Variants in AFF2 observed in about 807,000 individuals in gnomAD.
AFF2 encodes ALF transcription elongation factor 2, also known as AF4/FMR2 family member 2.
Under a neutral mutation model 76.9 loss-of-function variants are expected in AFF2, and 14 were observed. The observed-to-expected ratio is 0.18, with a 90% confidence interval of 0.12 to 0.28. The LOEUF (loss-of-function observed/expected upper bound fraction) is 0.28, where lower values mean the gene tolerates loss of function less well. AFF2 is among the 10% of genes least tolerant of loss of function. The pLI is 1.00. For synonymous variants in AFF2, 398 were observed against 366.7 expected (o/e 1.09, Z -0.98); for missense variants, 868 against 1,001.1 (o/e 0.87, Z 1.79).
intron 7 of AFF2, among the ~76,000 whole-genome samples, chrX:148,862,008 C>T (rs781883117): frequency 9.1e-5 from 10 of 109,803 alleles, no homozygotes; most frequent in Admixed American, 1.9e-4. Context: ...AAGTTGTCTC[C>T]GGGGTGGCTG....
intron 3 of AFF2, among the ~76,000 whole-genome samples, chrX:148,792,299 A>ATAT (rs2069906734): frequency 8.9e-6 from 1 of 112,292 alleles, no homozygotes; most frequent in South Asian, 3.7e-4. Flanking sequence ...ATTTATATAC[A>ATAT]AAAATTAGCC....
chrX:148,588,632 G>A (rs1164582441), intron 1 of AFF2, among the ~76,000 whole-genome samples: 1 of 112,433 alleles, frequency 8.9e-6, no homozygotes, highest in Non-Finnish European at 1.9e-5. Flanking sequence ...CTTCTACTGT[G>A]AAAGTTGTGC....
At chrX:148,554,848 G>T (rs1344772708) in intron 1 of AFF2, among the ~76,000 whole-genome samples, 7 of 112,398 alleles carry the variant, frequency 6.2e-5, no homozygotes, top group African/African-American at 2.3e-4. Flanking sequence ...GTGTTGAATG[G>T]CTGGATGGGA....
intron 2 of AFF2, among the ~76,000 whole-genome samples, chrX:148,653,852 G>A (rs1237953121): frequency 9.0e-6 from 1 of 111,680 alleles, no homozygotes; most frequent in Admixed American, 9.5e-5. Context: ...GAACATGGTT[G>A]CTGCTTGTAG....
intron 1 of AFF2, among the ~76,000 whole-genome samples, chrX:148,590,233 G>GA (rs1469696328): frequency 9.2e-6 from 1 of 109,103 alleles, no homozygotes; most frequent in Non-Finnish European, 1.9e-5. Flanking sequence ...TTGGCTGTTA[G>GA]AAAAAACAAA....
At chrX:148,617,692 C>A (rs2053826298) in intron 1 of AFF2, among the ~76,000 whole-genome samples, 1 of 112,493 alleles carries the variant, frequency 8.9e-6, no homozygotes. Flanking sequence ...ATGCAATTCA[C>A]ACTCGCCTTA....
At chrX:148,534,187 G>A (rs782772320) in intron 1 of AFF2, among the ~76,000 whole-genome samples, 5 of 111,986 alleles carry the variant, frequency 4.5e-5, no homozygotes, top group Admixed American at 3.8e-4. Context: ...AGGGATGTGA[G>A]TGAAAGCCTT....
intron 3 of AFF2, among the ~76,000 whole-genome samples, chrX:148,807,139 G>A (rs2070146854): frequency 8.9e-6 from 1 of 112,089 alleles, no homozygotes; most frequent in African/African-American, 3.2e-5. Flanking sequence ...TATTAGATGT[G>A]CTGCAAAGCT....
At chrX:148,633,921 C>A (rs1160259651) in intron 1 of AFF2, among the ~76,000 whole-genome samples, 3 of 111,942 alleles carry the variant, frequency 2.7e-5, no homozygotes, top group African/African-American at 9.7e-5. Flanking sequence ...GAACTAAGAT[C>A]AAGGGTCAGA....
intron 4 of AFF2, among the ~76,000 whole-genome samples, chrX:148,821,261 T>C (rs1557272525): frequency 9.0e-6 from 1 of 111,357 alleles, no homozygotes; most frequent in African/African-American, 3.3e-5. Context: ...ATATGAAACC[T>C]CTGGAATAGT....
At chrX:148,793,285 G>A (rs1051403567) in intron 3 of AFF2, among the ~76,000 whole-genome samples, 1 of 111,103 alleles carries the variant, frequency 9.0e-6, no homozygotes, top group African/African-American at 3.3e-5. Context: ...ACACTGCTGG[G>A]TAACTGGAGA....
intron 1 of AFF2, among the ~76,000 whole-genome samples, chrX:148,619,157 C>T (rs2053842895): frequency 9.0e-6 from 1 of 111,676 alleles, no homozygotes; most frequent in South Asian, 3.7e-4. Context: ...CACATGTAGC[C>T]TTGCATACAA....
chrX:148,904,280 T>C (rs782334073), intron 9 of AFF2, 22 bp downstream of exon 9: 1 of 990,257 alleles, frequency 1.0e-6, no homozygotes, highest in Non-Finnish European at 1.4e-6. Context: ...TTTTTATTAG[T>C]TGCAAATGTT....
chrX:148,980,653 C>A, intron 18 of AFF2, 85 bp from the exon 19 acceptor site: 1 of 789,322 alleles, frequency 1.3e-6, no homozygotes, highest in Non-Finnish European at 1.9e-6. Context: ...TTAATGTACT[C>A]TAAATCACAC....
In AFF2 at chrX:148,853,148, C is replaced by T. The variant is rs189291911; in HGVS notation, c.1262+9715C>T. 2.0e-4 allele frequency among the ~76,000 whole-genome samples: 22 copies of T among 111,524 alleles called. No homozygotes were observed. In the East Asian group the frequency reaches 2.5e-3, roughly 13 times the overall value. On this transcript the variant is annotated intron_variant, in intron 7 of 20. Transcript: ENST00000370460. ...CTGAAATCTTATTAATTGTTAAATACGAAGGAAAAATAACAAAATAATCTT... is the reference window on the plus strand; with the variant it reads ...CTGAAATCTTATTAATTGTTAAATATGAAGGAAAAATAACAAAATAATCTT...
chrX:148,875,774 T>C (rs1167283551), intron 7 of AFF2, among the ~76,000 whole-genome samples: 1 of 111,202 alleles, frequency 9.0e-6, no homozygotes, highest in African/African-American at 3.3e-5. Flanking sequence ...TGGCCTCTAT[T>C]GAGGTGATCA....
chrX:148,666,263 G>A (rs2054358147), intron 3 of AFF2, among the ~76,000 whole-genome samples: 2 of 111,942 alleles, frequency 1.8e-5, no homozygotes, highest in Admixed American at 1.9e-4. Flanking sequence ...TTCAATTGAG[G>A]CATGTCATTT....
chrX:148,653,111 C>T (rs181878299), intron 2 of AFF2, among the ~76,000 whole-genome samples: 80 of 111,044 alleles, frequency 7.2e-4, no homozygotes, highest in African/African-American at 2.5e-3. Context: ...TTACCTTGTT[C>T]AAAGCAAGTA....
At chrX:148,855,613 G>A (rs967570335) in intron 7 of AFF2, among the ~76,000 whole-genome samples, 1 of 111,757 alleles carries the variant, frequency 8.9e-6, no homozygotes, top group South Asian at 3.7e-4. Flanking sequence ...AAGTAGTATC[G>A]TAAGAAGAAA....
Sources: gnomAD v4.1 joint callset for allele counts (sites outside exome capture counted in the v4.1 genomes callset) on GRCh38, gnomAD v4.1.1 for gene constraint, MANE v1.5 for transcripts, NCBI Gene and HGNC (gene_info 2026-07-23, HGNC 2026-07-21) for gene names.